The following ZGRF1 variants were observed in gnomAD, a reference collection of about 807,000 sequenced individuals.
ZGRF1 encodes zinc finger GRF-type containing 1.
ZGRF1 carries 196 observed loss-of-function variants against 203.5 expected under a neutral mutation model. That is an observed-to-expected ratio of 0.96 (90% CI 0.86 to 1.08). ZGRF1 has a LOEUF of 1.08. ZGRF1 is among the 50% of genes least tolerant of loss of function. The probability of loss-of-function intolerance (pLI) is 0.00; values close to 1 mark genes in which losing one functional copy is unlikely to be tolerated. For missense variants in ZGRF1, 2,326 were observed against 2,416.3 expected (o/e 0.96, Z 0.78); for synonymous variants, 809 against 841.3 (o/e 0.96, Z 0.66).
In ZGRF1 at chr4:112,633,219, G is replaced by A; in HGVS notation, c.-43C>T. 7.2e-6 allele frequency: 11 copies of A among 1,532,534 alleles called. No homozygotes were observed. Among genetic ancestry groups the A allele is most frequent in the East Asian group, 2.3e-5 (1 of 44,210 alleles). 94.9% of individuals were successfully genotyped at this position (1,532,534 alleles called of 1,614,324 possible). On this transcript the variant is annotated 5_prime_UTR_variant, in exon 2 of 28. Transcript: ENST00000505019. ...TAAACCAGCTGGGTCCAGAAAATAG[G>A]AAATATTCAACTATTTATACCACCT...
Position 112,539,481 on chromosome 4 carries a change from TA to T in ZGRF1, c.*65del, listed in dbSNP as rs1199177872. On this transcript the variant is annotated 3_prime_UTR_variant, in exon 28 of 28. Coordinates refer to ENST00000505019, the MANE Select transcript of ZGRF1 (RefSeq NM_018392.5). ...AAGAGGGTTTAGAGTAATAAAAATA[TA>T]AAAAATATATCATGTAAAATGAGTC... 3.7e-6 allele frequency: 3 copies of T among 820,634 alleles called. No individual in the cohort carries two copies. Among genetic ancestry groups the T allele is most frequent in the Middle Eastern group, 3.7e-4 (1 of 2,702 alleles). The allele number at this position is 820,634 out of a possible 1,614,324, so 50.8% of individuals were successfully genotyped here. A position where few individuals can be genotyped will look rare whatever the true frequency, so the allele number is the denominator to read the frequency against.
intron 14 of ZGRF1, 40 bp downstream of exon 14, chr4:112,585,501 C>T (rs1238862760): frequency 1.8e-5 from 27 of 1,526,830 alleles, no homozygotes; most frequent in Non-Finnish European, 2.4e-5. Flanking sequence ...CTTTATAAGA[C>T]AAGTATTTGG....
Position 112,541,088 on chromosome 4 carries a change from T to G in ZGRF1, c.5775+4A>C, listed in dbSNP as rs1737491764. 6.3e-7 allele frequency: 1 copy of G among 1,577,022 alleles called. No individual in the cohort carries two copies. The highest frequency in any genetic ancestry group is 1.3e-5 in the African/African-American group (1 of 74,188). On this transcript the variant is annotated splice_donor_region_variant and intron_variant, in intron 25 of 27. Coordinates refer to ENST00000505019, the MANE Select transcript of ZGRF1 (RefSeq NM_018392.5). ...TGACTCTCATCAACATTAATGTCAT[T>G]TACCTGTTCTAGTCCTTTAACATTA...
In ZGRF1 at chr4:112,619,091, T is replaced by G; in HGVS notation, c.951A>C (p.Ser317=). The part of the protein sequence containing the change: ...STENLYYQHQ[S]ENTMRNKSRW... ...GGCTTTTATTTCTCATGGTATTTTC[T>G]GATTGATGCTGGTAGTATAAATTTT... is the stretch of plus-strand genomic sequence containing the variant. Residue 317 remains serine (S), a synonymous_variant, in exon 6 of 28, where the codon TCA becomes TCC. Transcript: ENST00000505019. The G allele has an allele frequency of 1.2e-6, 2 of 1,613,998 alleles. No homozygotes were observed. Among genetic ancestry groups the G allele is most frequent in the Non-Finnish European group, 1.7e-6 (2 of 1,179,956 alleles).
intron 12 of ZGRF1, 127 bp downstream of exon 12, chr4:112,587,153 A>C: frequency 1.3e-6 from 1 of 743,050 alleles, no homozygotes. Context: ...ACTGTAGCTC[A>C]GAGTTAGGAT....
intron 7 of ZGRF1, among the ~76,000 whole-genome samples, chr4:112,610,120 A>G (rs1183615091): frequency 2.0e-5 from 3 of 152,130 alleles, no homozygotes; most frequent in Non-Finnish European, 4.4e-5. Flanking sequence ...TGGGCAACAG[A>G]GCAATAACCT....
intron 3 of ZGRF1, among the ~76,000 whole-genome samples, chr4:112,631,722 A>G (rs2047416338): frequency 6.6e-6 from 1 of 152,200 alleles, no homozygotes; most frequent in African/African-American, 2.4e-5. Flanking sequence ...CTACTGGATA[A>G]CAGATCTTAT....
chr4:112,559,694 A>G (rs992614368), intron 19 of ZGRF1, among the ~76,000 whole-genome samples: 1 of 152,204 alleles, frequency 6.6e-6, no homozygotes, highest in Non-Finnish European at 1.5e-5. Flanking sequence ...CTCCAACCCT[A>G]TGAGGTGAAT....
chr4:112,559,346 A>G (rs1741516656), intron 19 of ZGRF1, among the ~76,000 whole-genome samples: 1 of 152,128 alleles, frequency 6.6e-6, no homozygotes, highest in Non-Finnish European at 1.5e-5. Context: ...CTACAGGTGC[A>G]TGCCTCCATG....
chr4:112,548,518 C>T, intron 22 of ZGRF1, 138 bp from the exon 23 acceptor site: 2 of 585,006 alleles, frequency 3.4e-6, no homozygotes, highest in Non-Finnish European at 5.6e-6. Flanking sequence ...AATCTTAGGT[C>T]ATCGTATCTC....
rs573665029 is a variant in ZGRF1, at chr4:112,547,221, A to AAC, written c.5598+62_5598+63dup. 762 of 1,409,896 alleles carry AAC rather than the reference A, an allele frequency of 5.4e-4. 1 individual carries two copies. The highest frequency in any genetic ancestry group is 2.3e-3 in the African/African-American group (162 of 69,600). 87.3% of individuals were successfully genotyped at this position (1,409,896 alleles called of 1,614,324 possible). ...TCTTCTAATATTTTCATTCTCTATC[A>AAC]ACACACACACACACAATGTAGAATC... On this transcript the variant is annotated intron_variant, in intron 24 of 27. Coordinates refer to ENST00000505019, the MANE Select transcript of ZGRF1 (RefSeq NM_018392.5).
At chr4:112,596,345 A>T (rs1315822476) in intron 10 of ZGRF1, among the ~76,000 whole-genome samples, 2 of 152,228 alleles carry the variant, frequency 1.3e-5, no homozygotes, top group African/African-American at 2.4e-5. Context: ...ATAACCATGG[A>T]AGGGCTCAGA....
intron 24 of ZGRF1, among the ~76,000 whole-genome samples, chr4:112,541,659 G>A (rs976452343): frequency 4.0e-5 from 6 of 151,654 alleles, no homozygotes; most frequent in Non-Finnish European, 7.4e-5. Context: ...CTCCCGAGTA[G>A]CTGGGATTAC....
chr4:112,631,859 G>T, intron 3 of ZGRF1, 71 bp downstream of exon 3: 2 of 727,170 alleles, frequency 2.8e-6, no homozygotes. Context: ...ATCATGTACA[G>T]TTTTTTAAAT....
chr4:112,572,174 A>C (rs1294185515), intron 16 of ZGRF1, among the ~76,000 whole-genome samples: 1 of 152,242 alleles, frequency 6.6e-6, no homozygotes. Context: ...ATAGCCACCA[A>C]AACAGCATGG....
At position 112,539,517 on chromosome 4, in the gene ZGRF1, A is replaced by G; in HGVS notation, c.*30T>C. 9.1e-7 allele frequency: 1 copy of G among 1,100,432 alleles called. No homozygotes were observed. 68.2% of individuals were successfully genotyped at this position (1,100,432 alleles called of 1,614,324 possible). A position where few individuals can be genotyped will look rare whatever the true frequency, so the allele number is the denominator to read the frequency against. On this transcript the variant is annotated 3_prime_UTR_variant, in exon 28 of 28. Coordinates refer to ENST00000505019, the MANE Select transcript of ZGRF1 (RefSeq NM_018392.5). ...TCATGTAAAATGAGTCTGAATTTAC[A>G]TAAATACAAAATATTTACACCATGT...
Position 112,553,984 on chromosome 4 carries a change from T to G in ZGRF1, c.5199-2A>C. On this transcript the variant is annotated splice_acceptor_variant, in intron 21 of 27. Coordinates refer to ENST00000505019, the MANE Select transcript of ZGRF1 (RefSeq NM_018392.5). LOFTEE classifies it high-confidence loss of function. ...TCATTTTCTGAGCCAGCATGCAAGC[T>G]AAAGAATTATATTAAAACACTCCTC... 6.2e-7 allele frequency: 1 copy of G among 1,603,628 alleles called. No individual in the cohort carries two copies. Among genetic ancestry groups the G allele is most frequent in the Non-Finnish European group, 8.5e-7 (1 of 1,177,188 alleles).
At chr4:112,601,213 C>T (rs1749915462) in intron 10 of ZGRF1, among the ~76,000 whole-genome samples, 1 of 151,570 alleles carries the variant, frequency 6.6e-6, no homozygotes, top group Non-Finnish European at 1.5e-5. Flanking sequence ...GAGTTCAAAA[C>T]CAGCAGCAAC....
chr4:112,595,969 C>T (rs1445551252), intron 10 of ZGRF1, among the ~76,000 whole-genome samples: 1 of 152,070 alleles, frequency 6.6e-6, no homozygotes, highest in Non-Finnish European at 1.5e-5. Context: ...AGCAATGTCA[C>T]GCTTATTCAA....
Sources: allele counts gnomAD v4.1 joint callset (sites outside exome capture counted in the v4.1 genomes callset), GRCh38; gene constraint gnomAD v4.1.1; transcripts MANE v1.5; gene names NCBI Gene and HGNC (gene_info 2026-07-23, HGNC 2026-07-21).